YTHDC2: variants seen among roughly 807,000 people sequenced by gnomAD.
The protein encoded by YTHDC2 is 3'-5' RNA helicase YTHDC2.
YTHDC2 carries 45 observed loss-of-function variants against 174.9 expected under a neutral mutation model. That is an observed-to-expected ratio of 0.26 (90% confidence interval 0.20 to 0.33). The LOEUF (loss-of-function observed/expected upper bound fraction) is 0.33, where lower values mean the gene tolerates loss of function less well. Ranked by LOEUF, YTHDC2 falls within the 10% of genes least tolerant of loss-of-function variation. YTHDC2 has a pLI of 1.00. For missense variants in YTHDC2, 1,650 were observed against 1,723.7 expected (o/e 0.96, Z 0.76); for synonymous variants, 657 against 574.5 (o/e 1.14, Z -2.05).
Position 113,535,809 on chromosome 5 carries a change from T to C in YTHDC2, c.1102+11T>C. The C allele has an allele frequency of 6.4e-7, 1 of 1,553,160 alleles. No individual in the cohort carries two copies. On this transcript the variant is annotated intron_variant, in intron 7 of 29. Transcript: ENST00000161863. ...GTCCAGTGATATATAGTAAGTTAAA[T>C]TGTCAGATTTCTTCTATAATTTTTA... is the stretch of plus-strand genomic sequence containing the variant.
At chr5:113,578,307 C>A (rs928319475) in intron 23 of YTHDC2, among the ~76,000 whole-genome samples, 1 of 152,036 alleles carries the variant, frequency 6.6e-6, no homozygotes, top group Non-Finnish European at 1.5e-5. Flanking sequence ...GTGATCCTCC[C>A]ACCTTAGCCT....
At chr5:113,537,472 G>C (rs935194404) in intron 7 of YTHDC2, among the ~76,000 whole-genome samples, 1 of 148,046 alleles carries the variant, frequency 6.8e-6, no homozygotes, top group Admixed American at 6.8e-5. Context: ...AGTCTCCCCT[G>C]TGGGCTTCTC....
chr5:113,584,118 A>G (rs1465440623), intron 25 of YTHDC2, 184 bp from the exon 26 acceptor site: 3 of 427,798 alleles, frequency 7.0e-6, no homozygotes, highest in Non-Finnish European at 1.2e-5. Context: ...TTGTAAATTT[A>G]GAACTGCCAT....
chr5:113,546,195 G>A (rs1192248226), intron 10 of YTHDC2, among the ~76,000 whole-genome samples: 3 of 152,110 alleles, frequency 2.0e-5, no homozygotes, highest in African/African-American at 7.2e-5. Context: ...TTTAAATTCT[G>A]AAAACAGTGA....
chr5:113,522,134 G>GTTTT (rs371407386), intron 2 of YTHDC2, among the ~76,000 whole-genome samples: 12 of 106,342 alleles, frequency 1.1e-4, no homozygotes, highest in Non-Finnish European at 2.0e-4. Context: ...TGTTTTTTTT[G>GTTTT]TTTTTTGTTT....
rs575953249 is a variant in YTHDC2, at chr5:113,515,450, T to C, written c.278+88T>C. 78 of 1,062,258 alleles carry C rather than the reference T, an allele frequency of 7.3e-5. 1 individual carries two copies. The South Asian group carries it at 1.1e-3, about 15-fold the overall frequency. 65.8% of individuals were successfully genotyped at this position (1,062,258 alleles called of 1,614,324 possible). On this transcript the variant is annotated intron_variant, in intron 2 of 29. Transcript: ENST00000161863. ...GTTTCTGAGTACATTTAAGTACTTA[T>C]TACTGTTTTAACTTCACATTCTTAA...
chr5:113,564,218 A>G lies in YTHDC2; in HGVS notation c.2715+87A>G. Reference sequence around the variant, plus strand: ...TGTAGGAATTTTAAAAATAATTTATAAATTTTAAAATTGCATTAATTTTGT... The same window carrying G: ...TGTAGGAATTTTAAAAATAATTTATGAATTTTAAAATTGCATTAATTTTGT... On this transcript the variant is annotated intron_variant, in intron 20 of 29. Coordinates refer to ENST00000161863, the MANE Select transcript of YTHDC2 (RefSeq NM_022828.5). 3.0e-6 allele frequency: 4 copies of G among 1,355,674 alleles called. No individual in the cohort carries two copies. In the Admixed American group the frequency reaches 1.0e-4, roughly 35 times the overall value. 84.0% of individuals were successfully genotyped at this position (1,355,674 alleles called of 1,614,324 possible).
chr5:113,580,973 T>G (rs1561702477), intron 24 of YTHDC2, among the ~76,000 whole-genome samples: 1 of 152,196 alleles, frequency 6.6e-6, no homozygotes, highest in Admixed American at 6.6e-5. Context: ...CCCTGGGGAC[T>G]TTATCTCTAT....
chr5:113,525,837 C>T (rs1278602896), intron 3 of YTHDC2, among the ~76,000 whole-genome samples: 1 of 152,058 alleles, frequency 6.6e-6, no homozygotes. Context: ...TTATTATTGT[C>T]TATTGGAATA....
At chr5:113,568,351 A>G (rs1303389269) in intron 23 of YTHDC2, among the ~76,000 whole-genome samples, 1 of 152,176 alleles carries the variant, frequency 6.6e-6, no homozygotes, top group Non-Finnish European at 1.5e-5. Flanking sequence ...AAGTGGCATA[A>G]TGCATTTTTT....
chr5:113,519,136 G>A (rs1325069000), intron 2 of YTHDC2, among the ~76,000 whole-genome samples: 1 of 152,028 alleles, frequency 6.6e-6, no homozygotes, highest in African/African-American at 2.4e-5. Flanking sequence ...GCCGCCCAAA[G>A]TATTGGGATT....
chr5:113,543,238 C>T (rs115979896), intron 10 of YTHDC2, among the ~76,000 whole-genome samples: 1 of 152,156 alleles, frequency 6.6e-6, no homozygotes, highest in Admixed American at 6.5e-5. Context: ...GGATACTCCT[C>T]AAACAACTTC....
intron 23 of YTHDC2, among the ~76,000 whole-genome samples, chr5:113,572,453 TAG>T (rs1265171779): frequency 6.6e-6 from 1 of 152,218 alleles, no homozygotes; most frequent in Non-Finnish European, 1.5e-5. Context: ...TGTTTTTGGG[TAG>T]AGAGTTCTGT....
At chr5:113,548,007 A>T (rs1012416153) in intron 10 of YTHDC2, among the ~76,000 whole-genome samples, 17 of 152,152 alleles carry the variant, frequency 1.1e-4, no homozygotes, top group African/African-American at 4.1e-4. Context: ...ATGGGAAATA[A>T]ACTTTCTGTC....
intron 2 of YTHDC2, among the ~76,000 whole-genome samples, chr5:113,518,595 G>GTA (rs1561618148): frequency 7.5e-6 from 1 of 134,050 alleles, no homozygotes; most frequent in East Asian, 2.0e-4. Context: ...GTGTGTGTGT[G>GTA]TGTGTATCTG....
intron 12 of YTHDC2, among the ~76,000 whole-genome samples, chr5:113,549,346 A>G (rs559530774): frequency 1.3e-5 from 2 of 152,302 alleles, no homozygotes; most frequent in African/African-American, 4.8e-5. Flanking sequence ...ACCAAAGTCA[A>G]AGAGAATGGA....
At chr5:113,581,769 A>G in intron 25 of YTHDC2, 60 bp downstream of exon 25, 1 of 1,309,466 alleles carries the variant, frequency 7.6e-7, no homozygotes, top group Non-Finnish European at 1.0e-6. Context: ...TGAATTATTT[A>G]TCTTAGAATC....
intron 2 of YTHDC2, among the ~76,000 whole-genome samples, chr5:113,515,662 A>C (rs1043211933): frequency 2.0e-5 from 3 of 152,218 alleles, no homozygotes; most frequent in Non-Finnish European, 4.4e-5. Flanking sequence ...ACATATTAAC[A>C]AGAGAAAAAC....
intron 23 of YTHDC2, among the ~76,000 whole-genome samples, chr5:113,570,422 T>C (rs1376746601): frequency 6.6e-6 from 1 of 152,144 alleles, no homozygotes; most frequent in East Asian, 1.9e-4. Context: ...TATTTTATTT[T>C]TGTTGCAATT....
Sources: allele counts gnomAD v4.1 joint callset (sites outside exome capture counted in the v4.1 genomes callset), GRCh38; gene constraint gnomAD v4.1.1; transcripts MANE v1.5; gene names NCBI Gene and HGNC (gene_info 2026-07-23, HGNC 2026-07-21).